Variants in ATXN7L1 observed in about 807,000 individuals in gnomAD.
ATXN7L1 encodes the protein ataxin 7 like 1, also known as ataxin-7-like protein 1.
A neutral mutation model predicts 70.8 loss-of-function variants in ATXN7L1; 15 were observed. The ratio of observed to expected loss-of-function variants is 0.21; its 90% CI spans 0.14 to 0.33. ATXN7L1 has a LOEUF of 0.33. Ranked by LOEUF, ATXN7L1 falls within the 10% of genes least tolerant of loss-of-function variation. ATXN7L1 has a pLI of 1.00. For missense variants in ATXN7L1, 975 were observed against 1,097.1 expected, an observed-to-expected ratio of 0.89 and a Z score of 1.57; for synonymous variants, 440 against 445.1, an observed-to-expected ratio of 0.99 and a Z score of 0.14.
intron 2 of ATXN7L1, among the ~76,000 whole-genome samples, chr7:105,862,305 G>A (rs369981837): frequency 1.3e-5 from 2 of 152,112 alleles, no homozygotes; most frequent in South Asian, 2.1e-4. Flanking sequence ...GCATGGGGGC[G>A]TGCACCTGTG....
At chr7:105,610,880 G>A (rs564450904) in intron 10 of ATXN7L1, among the ~76,000 whole-genome samples, 1 of 152,222 alleles carries the variant, frequency 6.6e-6, no homozygotes, top group Non-Finnish European at 1.5e-5. Context: ...GGAAGGATGA[G>A]GACAAAGGCA....
intron 2 of ATXN7L1, among the ~76,000 whole-genome samples, chr7:105,829,792 A>T (rs554053948): frequency 6.6e-6 from 1 of 152,364 alleles, no homozygotes; most frequent in South Asian, 2.1e-4. Context: ...TTACATTCCA[A>T]GCAAAATCAC....
intron 4 of ATXN7L1, among the ~76,000 whole-genome samples, chr7:105,652,750 C>T (rs375976344): frequency 5.3e-5 from 8 of 152,248 alleles, no homozygotes; most frequent in African/African-American, 1.9e-4. Context: ...CCATCCTAAG[C>T]CTTTGGCCTT....
rs192205291 is a variant in ATXN7L1 at position 105,762,799 on chromosome 7, G to A, written c.355+25805C>T. ...AACAGAATAGAGTGGATGTGACAGC[G>A]TGTCCTTTCTGAGACTAGGCCATAA... On this transcript the variant is annotated intron_variant, in intron 3 of 11. Coordinates refer to ENST00000419735, the MANE Select transcript of ATXN7L1 (RefSeq NM_020725.2). 3.1e-4 allele frequency among the ~76,000 whole-genome samples: 47 copies of A among 152,326 alleles called. 2 individuals are homozygous for A. In the East Asian group the frequency reaches 4.4e-3, roughly 14 times the overall value.
intron 3 of ATXN7L1, among the ~76,000 whole-genome samples, chr7:105,753,411 G>A (rs1056000969): frequency 4.6e-5 from 7 of 152,220 alleles, no homozygotes; most frequent in African/African-American, 1.7e-4. Context: ...GACATTCTGT[G>A]TTAGTAGTTT....
intron 3 of ATXN7L1, among the ~76,000 whole-genome samples, chr7:105,689,688 C>T (rs150437995): frequency 6.6e-6 from 1 of 152,338 alleles, no homozygotes; most frequent in African/African-American, 2.4e-5. Flanking sequence ...GCCCCACACA[C>T]AGGGGCAGAT....
chr7:105,771,715 G>A (rs1317038339), intron 3 of ATXN7L1, among the ~76,000 whole-genome samples: 1 of 152,210 alleles, frequency 6.6e-6, no homozygotes, highest in Non-Finnish European at 1.5e-5. Flanking sequence ...AGTGGGTAAA[G>A]TATGCAAAGA....
chr7:105,830,291 C>T (rs1014190053), intron 2 of ATXN7L1, among the ~76,000 whole-genome samples: 15 of 152,244 alleles, frequency 9.9e-5, no homozygotes, highest in African/African-American at 2.2e-4. Flanking sequence ...TTTACTGACT[C>T]GGCTTTGCCT....
chr7:105,719,296 G>A (rs1794922657), intron 3 of ATXN7L1, among the ~76,000 whole-genome samples: 2 of 152,146 alleles, frequency 1.3e-5, no homozygotes, highest in Non-Finnish European at 2.9e-5. Context: ...CAGTCTGGGA[G>A]GCTCCCACAG....
At chr7:105,728,984 C>G in intron 3 of ATXN7L1, among the ~76,000 whole-genome samples, 1 of 152,038 alleles carries the variant, frequency 6.6e-6, no homozygotes, top group Admixed American at 6.6e-5. Flanking sequence ...AATAAATGGG[C>G]CACGCGTGGT....
chr7:105,810,681 T>C (rs1177722321), intron 2 of ATXN7L1, among the ~76,000 whole-genome samples: 4 of 152,164 alleles, frequency 2.6e-5, no homozygotes, highest in African/African-American at 9.7e-5. Context: ...GAAGCCAGCC[T>C]GTGTGCAGGA....
chr7:105,866,483 A>G lies in ATXN7L1; in HGVS notation c.250+9329T>C, dbSNP rs150677408. Among the ~76,000 whole-genome samples the G allele has an allele frequency of 3.2e-4, 48 of 152,282 alleles. 1 individual carries two copies. The East Asian group carries it at 9.2e-3, about 29-fold the overall frequency. ...ATTCCAGCTTCACTTATAGACGACTAGGGCAGCCAGGTCTAGCCCCTGAAT... is the reference window on the plus strand; with the variant it reads ...ATTCCAGCTTCACTTATAGACGACTGGGGCAGCCAGGTCTAGCCCCTGAAT... On this transcript the variant is annotated intron_variant, in intron 2 of 11. Coordinates refer to ENST00000419735, the MANE Select transcript of ATXN7L1 (RefSeq NM_020725.2).
chr7:105,608,215 A>G (rs560528429), intron 11 of ATXN7L1, among the ~76,000 whole-genome samples: 9 of 152,192 alleles, frequency 5.9e-5, no homozygotes, highest in East Asian at 1.9e-4. Context: ...TTTGTTCTCC[A>G]TTAGTTCACC....
intron 3 of ATXN7L1, among the ~76,000 whole-genome samples, chr7:105,763,424 T>C (rs774286347): frequency 6.6e-6 from 1 of 152,190 alleles, no homozygotes; most frequent in African/African-American, 2.4e-5. Context: ...CAGAGTGACA[T>C]CTGGCATTAG....
intron 5 of ATXN7L1, among the ~76,000 whole-genome samples, chr7:105,641,214 C>CTCTTT (rs1316374331): frequency 2.3e-3 from 49 of 21,772 alleles, no homozygotes; most frequent in Middle Eastern, 0.033. Context: ...CTCTCTCTCT[C>CTCTTT]TTTTTTTTTT....
At chr7:105,732,369 C>T (rs1796672914) in intron 3 of ATXN7L1, among the ~76,000 whole-genome samples, 1 of 152,140 alleles carries the variant, frequency 6.6e-6, no homozygotes, top group African/African-American at 2.4e-5. Context: ...GCTGATATTG[C>T]TCCCCTGTAT....
intron 9 of ATXN7L1, 61 bp downstream of exon 9, chr7:105,620,139 T>C: frequency 6.5e-7 from 1 of 1,535,610 alleles, no homozygotes; most frequent in Non-Finnish European, 8.8e-7. Context: ...TTTAGAAAGT[T>C]AAGTTTCAGG....
chr7:105,860,542 A>G (rs1424765124), intron 2 of ATXN7L1, among the ~76,000 whole-genome samples: 1 of 152,172 alleles, frequency 6.6e-6, no homozygotes, highest in Non-Finnish European at 1.5e-5. Context: ...TGAATCAAAA[A>G]ACCTCATAGG....
intron 3 of ATXN7L1, among the ~76,000 whole-genome samples, chr7:105,785,334 C>T (rs1354275338): frequency 5.3e-5 from 8 of 152,086 alleles, no homozygotes; most frequent in Non-Finnish European, 8.8e-5. Context: ...AGTGTGGTGG[C>T]GGGCACCTGT....
Sources: gnomAD v4.1 joint callset for allele counts (sites outside exome capture counted in the v4.1 genomes callset) on GRCh38, gnomAD v4.1.1 for gene constraint, MANE v1.5 for transcripts, NCBI Gene and HGNC (gene_info 2026-07-23, HGNC 2026-07-21) for gene names.